WNK2: variants seen among roughly 807,000 people sequenced by gnomAD.
The protein encoded by WNK2 is WNK lysine deficient protein kinase 2, also known as serine/threonine-protein kinase WNK2.
Under a neutral mutation model 192.1 loss-of-function variants are expected in WNK2, and 67 were observed. The ratio of observed to expected loss-of-function variants is 0.35; its 90% CI spans 0.29 to 0.43. The LOEUF (loss-of-function observed/expected upper bound fraction) is 0.43. Among genes scored for constraint, WNK2 ranks in the 20% least tolerant of loss-of-function variants. WNK2 has a pLI of 1.00. For missense variants in WNK2, 2,698 were observed against 3,089.7 expected, an observed-to-expected ratio of 0.87 and a Z score of 3.01; for synonymous variants, 1,439 against 1,393.9, an observed-to-expected ratio of 1.03 and a Z score of -0.72.
intron 21 of WNK2, among the ~76,000 whole-genome samples, chr9:93,291,729 C>T (rs777343671): frequency 3.3e-5 from 5 of 152,220 alleles, no homozygotes; most frequent in South Asian, 4.1e-4. Flanking sequence ...GGCCTACCCA[C>T]GAGTTTCTTT....
Position 93,217,744 on chromosome 9 carries a change from T to C in WNK2, c.682-11952T>C, listed in dbSNP as rs1316542562. On this transcript the variant is annotated intron_variant, in intron 2 of 29. Coordinates refer to ENST00000427277, the MANE Select transcript of WNK2 (RefSeq NM_006648.4). ...CTGGCTTAGAGGGACACCACAGATG[T>C]TTGTGCCTGGGCACATGTTTATTCA... 3.9e-5 allele frequency among the ~76,000 whole-genome samples: 6 copies of C among 152,246 alleles called. No homozygotes were observed. The East Asian group carries it at 1.2e-3, about 29-fold the overall frequency.
chr9:93,210,338 T>C (rs1834281996), intron 2 of WNK2, among the ~76,000 whole-genome samples: 1 of 152,082 alleles, frequency 6.6e-6, no homozygotes, highest in Non-Finnish European at 1.5e-5. Flanking sequence ...TTGCTCACTG[T>C]TGGGCCCTTG....
At chr9:93,210,021 G>A (rs1260538273) in intron 2 of WNK2, among the ~76,000 whole-genome samples, 1 of 152,184 alleles carries the variant, frequency 6.6e-6, no homozygotes, top group African/African-American at 2.4e-5. Context: ...GGGGAGTTGG[G>A]GGTTCCCCTC....
chr9:93,248,842 A>C (rs535521627), intron 8 of WNK2, among the ~76,000 whole-genome samples: 1 of 152,228 alleles, frequency 6.6e-6, no homozygotes, highest in Non-Finnish European at 1.5e-5. Flanking sequence ...CATTCTGTGA[A>C]TATGCATGGG....
At chr9:93,215,272 C>G (rs1835538134) in intron 2 of WNK2, among the ~76,000 whole-genome samples, 1 of 152,074 alleles carries the variant, frequency 6.6e-6, no homozygotes, top group South Asian at 2.1e-4. Flanking sequence ...CCACCATGCC[C>G]AGCTGATTTT....
Position 93,292,811 on chromosome 9 carries a change from C to T in WNK2, c.5346C>T (p.Pro1782=), listed in dbSNP as rs566923878. 5.0e-5 allele frequency: 76 copies of T among 1,535,056 alleles called. No homozygotes were observed. In the East Asian group the frequency reaches 1.4e-3, roughly 27 times the overall value. Residue 1782 remains proline (P), a synonymous_variant, in exon 23 of 30, where the codon CCC becomes CCT. Transcript: ENST00000427277. ...ACCTGGACGAGGCCCCCTCCAGCCC[C>T]GACGTGAAGCTGGCAGTGCGGCGGG... ...DVYLDEAPSS[P]DVKLAVRRAQ...
chr9:93,264,365 G>A (rs1463384789), intron 16 of WNK2, among the ~76,000 whole-genome samples: 2 of 152,176 alleles, frequency 1.3e-5, no homozygotes, highest in Non-Finnish European at 2.9e-5. Context: ...GCATCCCGGA[G>A]TCTGATGTCC....
intron 2 of WNK2, among the ~76,000 whole-genome samples, chr9:93,195,699 CAAAAAAAAAAAAAA>C (rs59357990): frequency 2.4e-5 from 1 of 41,670 alleles, no homozygotes; most frequent in African/African-American, 1.2e-4. Flanking sequence ...GACTTTGTCT[CAAAAAAAAAAAAAA>C]AAAAAAAAAA....
chr9:93,317,720 G>A, intron 29 of WNK2, 89 bp downstream of exon 29: 5 of 1,515,850 alleles, frequency 3.3e-6, no homozygotes, highest in Non-Finnish European at 3.6e-6. Flanking sequence ...TGTCCTGGGG[G>A]CCCTGGGCAG....
Position 93,184,978 on chromosome 9 carries a change from C to T in WNK2, c.49C>T (p.Pro17Ser). ...RRDVPGTLME[P>S]GRGAGPAGMA... Reference sequence around the variant, plus strand: ...AGACGTCCCCGGCACGCTGATGGAGCCCGGGCGCGGCGCGGGGCCCGCGGG... The same window carrying T: ...AGACGTCCCCGGCACGCTGATGGAGTCCGGGCGCGGCGCGGGGCCCGCGGG... The change falls in exon 2 of 30, where the codon CCC becomes TCC. Residue 17 changes from proline (P) to serine (S), a missense_variant. Around this residue, in one of 7 missense-constraint regions of WNK2, gnomAD observed 260 missense variants for 285.6 expected, o/e 0.91. Coordinates refer to ENST00000427277, the MANE Select transcript of WNK2 (RefSeq NM_006648.4). 1.6e-6 allele frequency: 2 copies of T among 1,240,568 alleles called. No homozygotes were observed. Among genetic ancestry groups the T allele is most frequent in the Non-Finnish European group, 2.0e-6 (2 of 995,958 alleles). 76.8% of individuals were successfully genotyped at this position (1,240,568 alleles called of 1,614,324 possible). A position where few individuals can be genotyped will look rare whatever the true frequency, so the allele number is the denominator to read the frequency against.
intron 28 of WNK2, chr9:93,316,017 C>G (rs956957500): frequency 4.6e-5 from 7 of 152,056 alleles, no homozygotes; most frequent in African/African-American, 1.7e-4. Context: ...TTTTTTTCCT[C>G]TCTGCATATC....
At chr9:93,301,642 G>T (rs1005408163) in intron 26 of WNK2, among the ~76,000 whole-genome samples, 1 of 152,078 alleles carries the variant, frequency 6.6e-6, no homozygotes, top group South Asian at 2.1e-4. Context: ...TTCCTTCTCC[G>T]CAGCCGGTTC....
chr9:93,263,516 G>C (rs758823446), intron 14 of WNK2, 50 bp from the exon 15 acceptor site: 1 of 1,595,656 alleles, frequency 6.3e-7, no homozygotes, highest in South Asian at 1.1e-5. Flanking sequence ...CGCCATTGCC[G>C]ACGTGCTGGT....
At chr9:93,287,785 G>A (rs1848667305) in intron 19 of WNK2, among the ~76,000 whole-genome samples, 1 of 152,102 alleles carries the variant, frequency 6.6e-6, no homozygotes, top group Admixed American at 6.6e-5. Context: ...AGTGGGCTGG[G>A]CGTGGGGGCT....
chr9:93,274,499 A>C (rs1846452141), intron 19 of WNK2, among the ~76,000 whole-genome samples: 1 of 147,608 alleles, frequency 6.8e-6, no homozygotes, highest in East Asian at 2.0e-4. Flanking sequence ...GCAACAGTGC[A>C]AGGCTCCGTC....
At chr9:93,208,299 A>G (rs993166695) in intron 2 of WNK2, among the ~76,000 whole-genome samples, 2 of 152,198 alleles carry the variant, frequency 1.3e-5, no homozygotes, top group Non-Finnish European at 2.9e-5. Flanking sequence ...TCTTCTGAGA[A>G]ATATTTTGAA....
At position 93,229,582 on chromosome 9, in the gene WNK2, C is replaced by T. The variant is rs1005563364; in HGVS notation, c.682-114C>T. ...CCCTTCTATCATAGCCGCTTAGCTG[C>T]CTGTGGGTATGGGAAGGGCTGGTCC... On this transcript the variant is annotated intron_variant, in intron 2 of 29. Coordinates refer to ENST00000427277, the MANE Select transcript of WNK2 (RefSeq NM_006648.4). The surrounding 1 kb of genome is among the most constrained non-coding windows in gnomAD (Gnocchi z 4.9). 8.2e-6 allele frequency: 10 copies of T among 1,214,474 alleles called. No individual in the cohort carries two copies. The South Asian group carries it at 1.3e-4, about 16-fold the overall frequency. The allele number at this position is 1,214,474 out of a possible 1,614,324, so 75.2% of individuals were successfully genotyped here.
chr9:93,249,074 G>A (rs1346863491), intron 8 of WNK2, among the ~76,000 whole-genome samples: 3 of 152,032 alleles, frequency 2.0e-5, no homozygotes, highest in Admixed American at 6.5e-5. Flanking sequence ...GATTTGCTTT[G>A]GAGAATAAAA....
intron 2 of WNK2, among the ~76,000 whole-genome samples, chr9:93,217,590 G>A (rs1371376108): frequency 6.6e-6 from 1 of 152,156 alleles, no homozygotes; most frequent in African/African-American, 2.4e-5. Flanking sequence ...GTGCAGATGT[G>A]GGCAGGGGGG....
Sources: gnomAD v4.1 joint callset for allele counts (sites outside exome capture counted in the v4.1 genomes callset) on GRCh38, gnomAD v4.1.1 for gene constraint, gnomAD v4.1.1 regional missense constraint, Gnocchi (gnomAD v3.1) non-coding constraint, MANE v1.5 for transcripts, NCBI Gene and HGNC (gene_info 2026-07-23, HGNC 2026-07-21) for gene names.